ASTN1: variants seen among roughly 807,000 people sequenced by gnomAD.
ASTN1 encodes astrotactin 1, also known as astrotactin-1.
A neutral mutation model predicts 140.7 loss-of-function variants in ASTN1; 41 were observed. The observed-to-expected ratio is 0.29, with a 90% confidence interval of 0.23 to 0.38. ASTN1 has a LOEUF of 0.38. ASTN1 is among the 10% of genes least tolerant of loss of function. The pLI, the probability that ASTN1 is intolerant of heterozygous loss-of-function variation, is 1.00. For synonymous variants in ASTN1, 640 were observed against 652.2 expected, an observed-to-expected ratio of 0.98 and a Z score of 0.29; for missense variants, 1,479 against 1,678.8, an observed-to-expected ratio of 0.88 and a Z score of 2.08.
intron 8 of ASTN1, among the ~76,000 whole-genome samples, chr1:176,978,036 C>A (rs1369675231): frequency 6.6e-6 from 1 of 152,128 alleles, no homozygotes; most frequent in Non-Finnish European, 1.5e-5. Flanking sequence ...TCAGGAAGAG[C>A]TATTTTAGAT....
At chr1:176,917,076 C>G (rs781596177) in intron 16 of ASTN1, among the ~76,000 whole-genome samples, 3 of 152,188 alleles carry the variant, frequency 2.0e-5, no homozygotes, top group Non-Finnish European at 4.4e-5. Flanking sequence ...GGTAGCACTC[C>G]TGCTAGGAAG....
chr1:177,099,997 A>C (rs144567225), intron 1 of ASTN1, among the ~76,000 whole-genome samples: 1 of 152,216 alleles, frequency 6.6e-6, no homozygotes, highest in East Asian at 1.9e-4. Flanking sequence ...CCTCCTTTCA[A>C]AATTGTGAAT....
intron 16 of ASTN1, among the ~76,000 whole-genome samples, chr1:176,908,172 T>C (rs1471561103): frequency 1.3e-5 from 2 of 150,640 alleles, no homozygotes; most frequent in African/African-American, 4.9e-5. Context: ...GAGTTAGCTT[T>C]TTAATTAAAG....
chr1:177,070,047 T>C (rs781101533), intron 1 of ASTN1, among the ~76,000 whole-genome samples: 3 of 152,188 alleles, frequency 2.0e-5, no homozygotes, highest in Non-Finnish European at 2.9e-5. Context: ...GTAATAATAT[T>C]TAAACTCCAT....
At chr1:176,913,347 T>C (rs140217178) in intron 16 of ASTN1, among the ~76,000 whole-genome samples, 3 of 152,308 alleles carry the variant, frequency 2.0e-5, no homozygotes, top group African/African-American at 7.2e-5. Context: ...TAGGATCACA[T>C]TGGGTTGTTG....
downstream of ASTN1, among the ~76,000 whole-genome samples, chr1:176,860,511 T>C (rs1667929138): frequency 6.6e-6 from 1 of 152,234 alleles, no homozygotes; most frequent in Admixed American, 6.5e-5. Context: ...GATTACGTAT[T>C]TTGGGCTACC....
intron 5 of ASTN1, among the ~76,000 whole-genome samples, chr1:177,028,154 A>T (rs1352288429): frequency 6.6e-6 from 1 of 152,178 alleles, no homozygotes; most frequent in Non-Finnish European, 1.5e-5. Flanking sequence ...TTGGTATTTA[A>T]AAGGAACAGT....
intron 1 of ASTN1, among the ~76,000 whole-genome samples, chr1:177,068,278 A>C (rs1465410630): frequency 6.6e-6 from 1 of 152,200 alleles, no homozygotes; most frequent in Non-Finnish European, 1.5e-5. Flanking sequence ...CCACAGAACT[A>C]TGTGGAACAA....
intron 21 of ASTN1, among the ~76,000 whole-genome samples, chr1:176,872,194 C>CTTT (rs34749674): frequency 2.1e-5 from 3 of 145,290 alleles, no homozygotes; most frequent in East Asian, 2.0e-4. Flanking sequence ...AATGTCAAAC[C>CTTT]TTTTTTTTTT....
intron 8 of ASTN1, among the ~76,000 whole-genome samples, chr1:177,012,634 C>T (rs964150778): frequency 6.6e-6 from 1 of 152,222 alleles, no homozygotes; most frequent in African/African-American, 2.4e-5. Flanking sequence ...GGACCTCAAA[C>T]ATTTCCCCTG....
In ASTN1 at chr1:176,884,379, C is replaced by G; in HGVS notation, c.3186G>C (p.Glu1062Asp). The change falls in exon 19 of 23, where the codon GAG (glutamate) becomes GAC (aspartate). Residue 1062 changes from glutamate (E) to aspartate (D), a missense_variant. Glu to Asp is a conservative substitution (Grantham distance 45). Around this residue, in one of 3 missense-constraint regions of ASTN1, gnomAD observed 746 missense variants for 800.9 expected, o/e 0.93. Coordinates refer to ENST00000361833, the MANE Select transcript of ASTN1 (RefSeq NM_004319.3). The stretch of plus-strand genomic sequence containing the variant: ...AGTGGTCCATCCTGTCAGTGACTTT[C>G]TCTTGACGGAGGAGGTAATCTACAA... ...VQIVDYLLRQ[E>D]KVTDRMDHSK... is the part of the protein sequence containing the mutation. 1 of 1,614,202 alleles carries G rather than the reference C, an allele frequency of 6.2e-7. No individual in the cohort carries two copies. Among genetic ancestry groups the G allele is most frequent in the Non-Finnish European group, 8.5e-7 (1 of 1,180,028 alleles).
chr1:177,088,495 C>T (rs933801369), intron 1 of ASTN1, among the ~76,000 whole-genome samples: 6 of 152,080 alleles, frequency 3.9e-5, no homozygotes, highest in South Asian at 4.2e-4. Context: ...ATGTGGCTAG[C>T]GTCATCCTCA....
chr1:176,989,654 A>G (rs1484915481), intron 8 of ASTN1, among the ~76,000 whole-genome samples: 7 of 152,308 alleles, frequency 4.6e-5, no homozygotes, highest in Non-Finnish European at 7.3e-5. Flanking sequence ...TACAGAGCTC[A>G]GAGAGAAGAC....
intron 17 of ASTN1, among the ~76,000 whole-genome samples, chr1:176,891,079 T>C (rs1378668047): frequency 2.0e-5 from 3 of 152,026 alleles, no homozygotes; most frequent in African/African-American, 7.2e-5. Context: ...CTCTGAATCC[T>C]GGGCTGCAGG....
intron 8 of ASTN1, among the ~76,000 whole-genome samples, chr1:177,008,080 A>T (rs1181275898): frequency 6.6e-6 from 1 of 152,226 alleles, no homozygotes; most frequent in East Asian, 1.9e-4. Context: ...TTCCCAAGCC[A>T]ACTGGAGGGG....
Position 177,032,586 on chromosome 1 carries a change from G to A in ASTN1, c.735C>T (p.Asp245=). The A allele has an allele frequency of 2.5e-6, 4 of 1,614,222 alleles. No homozygotes were observed. The highest frequency in any genetic ancestry group is 2.5e-6 in the Non-Finnish European group (3 of 1,180,044). Residue 245 remains aspartate (D), a synonymous_variant, in exon 3 of 23, where the codon GAC becomes GAT. Coordinates refer to ENST00000361833, the MANE Select transcript of ASTN1 (RefSeq NM_004319.3). ...GCAGATGGTGGCGCAGATCAGTGAT[G>A]TCATACTCATAGCCGTCCAGGATAG... ...ETPILDGYEY[D]ITDLRHHLQR... is the part of the protein sequence containing the mutation.
chr1:177,105,620 T>C (rs966495085), intron 1 of ASTN1, among the ~76,000 whole-genome samples: 2 of 151,620 alleles, frequency 1.3e-5, no homozygotes, highest in Admixed American at 1.3e-4. Context: ...TTCACTAGGC[T>C]GGAAGAGACA....
chr1:176,864,228 A>G lies in ASTN1; in HGVS notation c.*56T>C. The G allele has an allele frequency of 1.3e-6, 2 of 1,590,582 alleles. No individual in the cohort carries two copies. The highest frequency in any genetic ancestry group is 1.7e-6 in the Non-Finnish European group (2 of 1,168,626). On this transcript the variant is annotated 3_prime_UTR_variant, in exon 23 of 23. Transcript: ENST00000361833. ...ATTAAAAATCCACAGACCAACCCAG[A>G]TGGATCCCTCCTCTTTCCTACTTCA...
chr1:177,037,826 C>CA (rs35027107), intron 2 of ASTN1, among the ~76,000 whole-genome samples: 1 of 151,780 alleles, frequency 6.6e-6, no homozygotes, highest in South Asian at 2.1e-4. Flanking sequence ...GAGTTCCTTG[C>CA]AAAAAAATGT....
Sources: gnomAD v4.1 joint callset for allele counts (sites outside exome capture counted in the v4.1 genomes callset) on GRCh38, gnomAD v4.1.1 for gene constraint, gnomAD v4.1.1 regional missense constraint, MANE v1.5 for transcripts, NCBI Gene and HGNC (gene_info 2026-07-23, HGNC 2026-07-21) for gene names.